The following EED variants were observed in gnomAD, a reference collection of about 807,000 sequenced individuals.
The protein encoded by EED is embryonic ectoderm development.
In EED, 9 loss-of-function variants were observed where a neutral mutation model predicts 61.0. That is an observed-to-expected ratio of 0.15 (90% confidence interval 0.09 to 0.26). The LOEUF (loss-of-function observed/expected upper bound fraction) is 0.26. EED is among the 10% of genes least tolerant of loss of function. The pLI is 1.00. For synonymous variants in EED, 187 were observed against 174.4 expected, an observed-to-expected ratio of 1.07 and a Z score of -0.57; for missense variants, 315 against 542.3, an observed-to-expected ratio of 0.58 and a Z score of 4.16.
chr11:86,261,224 AGACAG>A (rs1945818711), intron 6 of EED, among the ~76,000 whole-genome samples: 2 of 152,224 alleles, frequency 1.3e-5, no homozygotes, highest in South Asian at 4.1e-4. Flanking sequence ...AGCATAGGAT[AGACAG>A]TCCCTTCCAA....
rs1414207424 is a variant in EED, at chr11:86,271,293, CTG to C, written c.966+2734_966+2735del. On this transcript the variant is annotated intron_variant, in intron 9 of 11. Transcript: ENST00000263360. ...TAAGTATTTTTTAAGCAATTATAAA[CTG>C]TTTTATATTTTTATTTTCCATTTTT... Among the ~76,000 whole-genome samples the C allele has an allele frequency of 3.9e-5, 6 of 152,222 alleles. No homozygotes were observed. The East Asian group carries it at 7.7e-4, about 20-fold the overall frequency.
chr11:86,260,564 T>C (rs1945802062), intron 6 of EED, among the ~76,000 whole-genome samples: 1 of 152,210 alleles, frequency 6.6e-6, no homozygotes, highest in African/African-American at 2.4e-5. Context: ...GCTCAAATTA[T>C]AGCTGCATAA....
intron 6 of EED, among the ~76,000 whole-genome samples, chr11:86,262,447 G>A (rs1945857356): frequency 6.6e-6 from 1 of 152,122 alleles, no homozygotes; most frequent in African/African-American, 2.4e-5. Context: ...TTGCAAGGAT[G>A]GCTTTTATTT....
intron 9 of EED, among the ~76,000 whole-genome samples, chr11:86,269,723 T>C (rs1946066838): frequency 6.6e-6 from 1 of 152,202 alleles, no homozygotes. Context: ...TATGTCATTT[T>C]ATCACGTGAA....
At position 86,245,276 on chromosome 11, in the gene EED, C is replaced by T. The variant is rs371991859; in HGVS notation, c.47C>T (p.Pro16Leu). Residue 16 changes from proline (P) to leucine (L), a missense_variant, in exon 1 of 12, where the codon CCT becomes CTT. By Grantham distance (98) the Pro-to-Leu change is moderately conservative. Coordinates refer to ENST00000263360, the MANE Select transcript of EED (RefSeq NM_003797.5). ...ACTGCGCCGGCGGGAACAGACATGC[C>T]TGCGGCCAAGAAGCAGAAGCTGAGC... ...VSTAPAGTDM[P>L]AAKKQKLSSD... 39 of 1,613,446 alleles carry T rather than the reference C, an allele frequency of 2.4e-5. No homozygotes were observed. Among genetic ancestry groups the T allele is most frequent in the African/African-American group, 1.1e-4 (8 of 74,882 alleles).
downstream of EED, among the ~76,000 whole-genome samples, chr11:86,279,169 A>G (rs988008878): frequency 2.6e-5 from 4 of 152,240 alleles, no homozygotes; most frequent in African/African-American, 2.4e-5. Flanking sequence ...AAAATTCTAC[A>G]GAGTTAGAAC....
intron 1 of EED, among the ~76,000 whole-genome samples, chr11:86,247,054 A>G (rs576970863): frequency 5.9e-5 from 9 of 152,240 alleles, no homozygotes; most frequent in Non-Finnish European, 1.3e-4. Context: ...ATACTTAATA[A>G]TCAGGCAAAA....
At chr11:86,252,577 C>T (rs1497725) in intron 3 of EED, among the ~76,000 whole-genome samples, 52,822 of 149,118 alleles carry the variant, frequency 0.35, 9,738 homozygotes, top group Non-Finnish European at 0.41. Flanking sequence ...ATTCAAATAG[C>T]GTAAGAACTG....
At chr11:86,268,600 TG>T in intron 9 of EED, 39 bp downstream of exon 9, 3 of 986,052 alleles carry the variant, frequency 3.0e-6, no homozygotes, top group Non-Finnish European at 4.5e-6. Flanking sequence ...CCATCGTGTG[TG>T]TGTGTGTGTG....
intron 7 of EED, 32 bp downstream of exon 7, chr11:86,264,295 A>T (rs78475799): frequency 0.046 from 68,327 of 1,495,746 alleles, 1,774 homozygotes; most frequent in Middle Eastern, 0.053. Flanking sequence ...AATGACTTTC[A>T]GGTTTACATA....
intron 3 of EED, among the ~76,000 whole-genome samples, chr11:86,253,015 T>C (rs1468090079): frequency 6.6e-6 from 1 of 152,188 alleles, no homozygotes; most frequent in Non-Finnish European, 1.5e-5. Flanking sequence ...CCCAAAGAGC[T>C]GGGGTTGCAG....
At chr11:86,268,953 T>TA (rs1846173634) in intron 9 of EED, among the ~76,000 whole-genome samples, 2 of 152,200 alleles carry the variant, frequency 1.3e-5, no homozygotes, top group South Asian at 4.1e-4. Flanking sequence ...GGAGTTGGCT[T>TA]ATGGGCTGTA....
At chr11:86,255,160 A>G (rs1483626948) in intron 3 of EED, 62 bp from the exon 4 acceptor site, 3 of 1,296,660 alleles carry the variant, frequency 2.3e-6, no homozygotes, top group Non-Finnish European at 3.3e-6. Flanking sequence ...TATGTTTAAA[A>G]GTTGGAGAGA....
At chr11:86,265,954 A>G (rs1375111753) in intron 7 of EED, 129 bp from the exon 8 acceptor site, 2 of 753,552 alleles carry the variant, frequency 2.7e-6, no homozygotes, top group Non-Finnish European at 4.1e-6. Context: ...GCCTATTTAG[A>G]TGAAACCCAA....
rs185407952 is a variant in EED at position 86,256,910 on chromosome 11, A to G, written c.552+398A>G. Reference sequence around the variant, plus strand: ...AGTTGATAAGAAGACGGGTTTTTCAAATCACTTTCATCACCTGTTTTTAAC... The same window carrying G: ...AGTTGATAAGAAGACGGGTTTTTCAGATCACTTTCATCACCTGTTTTTAAC... On this transcript the variant is annotated intron_variant, in intron 5 of 11. Coordinates refer to ENST00000263360, the MANE Select transcript of EED (RefSeq NM_003797.5). Among the ~76,000 whole-genome samples, 699 of 152,264 alleles carry G rather than the reference A, an allele frequency of 4.6e-3. 5 individuals carry two copies. Among genetic ancestry groups the G allele is most frequent in the Non-Finnish European group, 7.5e-3 (513 of 68,022 alleles).
At chr11:86,264,143 T>A (rs1412693678) in intron 6 of EED, 29 bp from the exon 7 acceptor site, 1 of 1,551,448 alleles carries the variant, frequency 6.4e-7, no homozygotes, top group Middle Eastern at 1.7e-4. Context: ...ATAAAAAACA[T>A]TCGCCTAATT....
the EED span, chr11:86,283,884 A>C: frequency 6.6e-6 from 1 of 150,848 alleles, no homozygotes; most frequent in East Asian, 1.9e-4. Context: ...GAAGTGAAGG[A>C]AATATTTGAA....
At chr11:86,273,748 C>T (rs992591892) in intron 9 of EED, among the ~76,000 whole-genome samples, 4 of 152,208 alleles carry the variant, frequency 2.6e-5, no homozygotes, top group African/African-American at 7.2e-5. Context: ...TCCATAATTC[C>T]GATGAGAAAT....
At chr11:86,275,157 A>T (rs1350682741) in intron 9 of EED, among the ~76,000 whole-genome samples, 2 of 152,178 alleles carry the variant, frequency 1.3e-5, no homozygotes, top group Non-Finnish European at 2.9e-5. Flanking sequence ...TTTGTGTTCC[A>T]AGGTTTCTAA....
Sources: allele counts gnomAD v4.1 joint callset (sites outside exome capture counted in the v4.1 genomes callset), GRCh38; gene constraint gnomAD v4.1.1; transcripts MANE v1.5; gene names NCBI Gene and HGNC (gene_info 2026-07-23, HGNC 2026-07-21).